CDIN1: variants seen among roughly 807,000 people sequenced by gnomAD.
The protein encoded by CDIN1 is CDAN1 interacting nuclease 1.
A neutral mutation model predicts 45.3 loss-of-function variants in CDIN1; 33 were observed. That is an observed-to-expected ratio of 0.73 (90% CI 0.55 to 0.97). CDIN1 has a LOEUF of 0.97. CDIN1 is among the 50% of genes least tolerant of loss of function. The pLI is 0.00. For synonymous variants in CDIN1, 118 were observed against 124.4 expected (o/e 0.95, Z 0.34); for missense variants, 303 against 339.4 (o/e 0.89, Z 0.84).
At chr15:36,624,866 G>A (rs575337223) in intron 1 of CDIN1, among the ~76,000 whole-genome samples, 4 of 152,246 alleles carry the variant, frequency 2.6e-5, no homozygotes, top group East Asian at 1.9e-4. Context: ...AAAGTGACCA[G>A]TCATTTTTGC....
At chr15:36,616,347 A>G (rs939715938) in intron 1 of CDIN1, among the ~76,000 whole-genome samples, 6 of 151,758 alleles carry the variant, frequency 4.0e-5, no homozygotes, top group Admixed American at 3.9e-4. Flanking sequence ...CAATGGCACA[A>G]TCTCTGCTCA....
At chr15:36,635,682 C>T (rs1389889734) in intron 1 of CDIN1, among the ~76,000 whole-genome samples, 1 of 152,074 alleles carries the variant, frequency 6.6e-6, no homozygotes, top group African/African-American at 2.4e-5. Context: ...ATTGGAATTA[C>T]CAAACAGAAT....
intron 10 of CDIN1, among the ~76,000 whole-genome samples, chr15:36,761,075 C>T (rs1003612429): frequency 6.6e-6 from 1 of 152,110 alleles, no homozygotes; most frequent in African/African-American, 2.4e-5. Context: ...TTATAAGATA[C>T]GCCTTCACCG....
intron 3 of CDIN1, among the ~76,000 whole-genome samples, chr15:36,653,714 T>C (rs1347082936): frequency 2.0e-5 from 3 of 152,300 alleles, no homozygotes; most frequent in East Asian, 3.9e-4. Flanking sequence ...AAAGGCAAGA[T>C]GGGTGCATGA....
intron 10 of CDIN1, among the ~76,000 whole-genome samples, chr15:36,720,020 G>C (rs1398976181): frequency 6.6e-6 from 1 of 151,104 alleles, no homozygotes; most frequent in Non-Finnish European, 1.5e-5. Flanking sequence ...TCTGCCTAGA[G>C]GTTTATCCAT....
chr15:36,680,097 G>C (rs1260757869), intron 5 of CDIN1, among the ~76,000 whole-genome samples: 2 of 152,198 alleles, frequency 1.3e-5, no homozygotes, highest in African/African-American at 2.4e-5. Context: ...GCTTTGGCCT[G>C]AGACATCATG....
chr15:36,681,325 C>T (rs1239374501), intron 5 of CDIN1, among the ~76,000 whole-genome samples: 1 of 151,928 alleles, frequency 6.6e-6, no homozygotes, highest in Non-Finnish European at 1.5e-5. Context: ...AATTAGATTA[C>T]AAGAAAATTT....
intron 3 of CDIN1, among the ~76,000 whole-genome samples, chr15:36,645,496 G>C (rs1245944649): frequency 7.4e-5 from 4 of 54,064 alleles, no homozygotes; most frequent in Admixed American, 2.7e-4. Context: ...GTCTTGACTT[G>C]TGTGTGTGTG....
chr15:36,631,783 A>G (rs1477381240), intron 1 of CDIN1, among the ~76,000 whole-genome samples: 3 of 152,194 alleles, frequency 2.0e-5, no homozygotes, highest in African/African-American at 4.8e-5. Context: ...GAGAAGAATT[A>G]CTGGGTCATA....
chr15:36,641,632 CTAAG>C, intron 1 of CDIN1: 1 of 152,242 alleles, frequency 6.6e-6, no homozygotes, highest in Non-Finnish European at 1.5e-5. Context: ...CCCATATATG[CTAAG>C]TGATATAAAG....
intron 10 of CDIN1, among the ~76,000 whole-genome samples, chr15:36,761,443 G>C (rs958090273): frequency 6.6e-6 from 1 of 152,196 alleles, no homozygotes; most frequent in Non-Finnish European, 1.5e-5. Context: ...TCTGGTGACA[G>C]TATACAGCTA....
intron 8 of CDIN1, among the ~76,000 whole-genome samples, chr15:36,701,762 C>G (rs1025170697): frequency 9.2e-5 from 14 of 152,156 alleles, no homozygotes; most frequent in African/African-American, 3.4e-4. Flanking sequence ...GCCTCACCCT[C>G]GCCCCCATGT....
At chr15:36,771,859 C>G (rs528966959) in intron 10 of CDIN1, among the ~76,000 whole-genome samples, 1 of 147,532 alleles carries the variant, frequency 6.8e-6, no homozygotes, top group African/African-American at 2.5e-5. Flanking sequence ...ACCAGGGAGG[C>G]GGAGGTTGCA....
At chr15:36,677,302 G>A (rs1045190119) in intron 5 of CDIN1, among the ~76,000 whole-genome samples, 1 of 152,048 alleles carries the variant, frequency 6.6e-6, no homozygotes, top group Non-Finnish European at 1.5e-5. Flanking sequence ...AAAATTTCAT[G>A]GGGGGAGCAA....
At chr15:36,596,137 A>G (rs147835185) in intron 1 of CDIN1, among the ~76,000 whole-genome samples, 1 of 152,264 alleles carries the variant, frequency 6.6e-6, no homozygotes, top group East Asian at 1.9e-4. Flanking sequence ...ATTGCTAACA[A>G]AAAATATATT....
In CDIN1 at chr15:36,797,076, T is replaced by C. The variant is rs139559663; in HGVS notation, c.717-11248T>C. On this transcript the variant is annotated intron_variant, in intron 10 of 10. Transcript: ENST00000566621. ...ATCATTTTGTAGAGTTTGTATGTTA[T>C]GGAAAAGTAGAGCTGTGAAGAACAC... Among the ~76,000 whole-genome samples the C allele has an allele frequency of 1.6e-3, 251 of 152,308 alleles. 2 individuals are homozygous for C. The highest frequency in any genetic ancestry group is 5.4e-3 in the African/African-American group (224 of 41,574).
In CDIN1 at chr15:36,579,851, C is replaced by T. The variant is rs1367868653; in HGVS notation, c.-10C>T. On this transcript the variant is annotated 5_prime_UTR_variant, in exon 1 of 11. Transcript: ENST00000566621. ...CCTTGTTCCCGCCACCTCCTGGTCC[C>T]TGGCCCAACATGATACTGACCAAAG... 2 of 1,610,568 alleles carry T rather than the reference C, an allele frequency of 1.2e-6. No individual in the cohort carries two copies. The highest frequency in any genetic ancestry group is 2.2e-5 in the East Asian group (1 of 44,780).
At chr15:36,637,237 A>G (rs947980473) in intron 1 of CDIN1, among the ~76,000 whole-genome samples, 1 of 152,250 alleles carries the variant, frequency 6.6e-6, no homozygotes. Context: ...TTAACACACA[A>G]AATTAATTGA....
intron 1 of CDIN1, among the ~76,000 whole-genome samples, chr15:36,632,553 A>G (rs1007668857): frequency 6.6e-6 from 1 of 151,896 alleles, no homozygotes; most frequent in Non-Finnish European, 1.5e-5. Flanking sequence ...TTTATAGTAC[A>G]GTTCCTCCCC....
Sources: allele counts gnomAD v4.1 joint callset (sites outside exome capture counted in the v4.1 genomes callset), GRCh38; gene constraint gnomAD v4.1.1; transcripts MANE v1.5; gene names NCBI Gene and HGNC (gene_info 2026-07-23, HGNC 2026-07-21).